PPDPFL: variants seen among roughly 807,000 people sequenced by gnomAD.
PPDPFL encodes the protein pancreatic progenitor cell differentiation and proliferation factor like.
In PPDPFL, 12 loss-of-function variants were observed where a neutral mutation model predicts 12.6. The ratio of observed to expected loss-of-function variants is 0.95; its 90% CI spans 0.61 to 1.54. PPDPFL has a LOEUF of 1.54. Among genes scored for constraint, PPDPFL ranks in the 40% most tolerant of loss-of-function variants. The pLI is 0.00. For synonymous variants in PPDPFL, 24 were observed against 32.7 expected (o/e 0.73, Z 0.91); for missense variants, 114 against 96.0 (o/e 1.19, Z -0.78).
At chr8:49,062,722 A>G (rs554123112) in intron 1 of PPDPFL, among the ~76,000 whole-genome samples, 29 of 152,342 alleles carry the variant, frequency 1.9e-4, no homozygotes, top group Non-Finnish European at 4.0e-4. Flanking sequence ...GATGCCCTGC[A>G]CACAGGGAGA....
Position 49,062,935 on chromosome 8 carries a change from C to T in PPDPFL, c.-45+8566C>T, listed in dbSNP as rs139905736. ...GGAGTGAAGGAGGGCTGGGTTCCCA[C>T]GAGTAGGGATCCTGTAACACCACGG... On this transcript the variant is annotated intron_variant, in intron 1 of 4. Coordinates refer to the PPDPFL transcript ENST00000517663. Among the ~76,000 whole-genome samples the T allele has an allele frequency of 3.6e-3, 548 of 152,216 alleles. 6 individuals carry two copies. The highest frequency in any genetic ancestry group is 0.013 in the African/African-American group (528 of 41,518).
At chr8:49,068,322 AC>A (rs1294817769), upstream of PPDPFL, among the ~76,000 whole-genome samples, 1 of 152,210 alleles carries the variant, frequency 6.6e-6, no homozygotes, top group Non-Finnish European at 1.5e-5. Context: ...GTACCTGAAC[AC>A]CATGATGCCA....
Position 49,075,493 on chromosome 8 carries a change from G to A in PPDPFL, c.*320G>A. The A allele has an allele frequency of 1.7e-6, 1 of 582,286 alleles. No individual in the cohort carries two copies. The highest frequency in any genetic ancestry group is 2.1e-5 in the South Asian group (1 of 47,184). The allele number at this position is 582,286 out of a possible 1,614,324, so 36.1% of individuals were successfully genotyped here. ...TGCATCTTTGAAAAGTGTGCCTTTAGAAACAAGACACCCTTTTAAAGTAAT... is the reference window on the plus strand; with the variant it reads ...TGCATCTTTGAAAAGTGTGCCTTTAAAAACAAGACACCCTTTTAAAGTAAT... On this transcript the variant is annotated 3_prime_UTR_variant, in exon 5 of 5. Transcript: ENST00000522267.
At chr8:49,058,997 G>A (rs763878471) in intron 1 of PPDPFL, among the ~76,000 whole-genome samples, 7 of 152,138 alleles carry the variant, frequency 4.6e-5, no homozygotes, top group Non-Finnish European at 7.3e-5. Flanking sequence ...CAGTCGGAGT[G>A]GTCTGTAACT....
At chr8:49,067,064 T>C (rs996237988) in intron 1 of PPDPFL, among the ~76,000 whole-genome samples, 1 of 152,336 alleles carries the variant, frequency 6.6e-6, no homozygotes, top group Middle Eastern at 3.4e-3. Context: ...TGTAAAATCA[T>C]GACAATTAAT....
At chr8:49,069,261 C>G (rs1313308202), upstream of PPDPFL, among the ~76,000 whole-genome samples, 1 of 152,090 alleles carries the variant, frequency 6.6e-6, no homozygotes, top group Non-Finnish European at 1.5e-5. Flanking sequence ...AGCAGTAACA[C>G]ATTGGTAAGT....
chr8:49,065,159 A>G (rs1808274818), intron 1 of PPDPFL, among the ~76,000 whole-genome samples: 1 of 152,184 alleles, frequency 6.6e-6, no homozygotes. Flanking sequence ...ACAAAAAAAC[A>G]AAAAACAAGT....
At chr8:49,061,540 T>TAA (rs1224602051) in intron 1 of PPDPFL, among the ~76,000 whole-genome samples, 3 of 152,176 alleles carry the variant, frequency 2.0e-5, no homozygotes, top group Non-Finnish European at 4.4e-5. Flanking sequence ...AAGGGGCTGC[T>TAA]TTAGTGGTTG....
intron 1 of PPDPFL, among the ~76,000 whole-genome samples, chr8:49,055,247 T>C (rs1225831744): frequency 6.6e-6 from 1 of 152,146 alleles, no homozygotes; most frequent in East Asian, 1.9e-4. Flanking sequence ...ATGCCTTTCC[T>C]AGACTCCCCA....
upstream of PPDPFL, among the ~76,000 whole-genome samples, chr8:49,070,092 G>T (rs1808354957): frequency 2.0e-5 from 3 of 152,224 alleles, no homozygotes; most frequent in African/African-American, 7.2e-5. Flanking sequence ...GTCCTTTGCA[G>T]GAAGACGAAT....
intron 1 of PPDPFL, among the ~76,000 whole-genome samples, chr8:49,060,219 G>A (rs1281998251): frequency 6.6e-6 from 1 of 152,042 alleles, no homozygotes; most frequent in Non-Finnish European, 1.5e-5. Flanking sequence ...AACATGTTAG[G>A]TGGACTTGGG....
Position 49,066,330 on chromosome 8 carries a change from G to C in PPDPFL, c.-44-6457G>C, listed in dbSNP as rs534278240. Among the ~76,000 whole-genome samples the C allele has an allele frequency of 2.5e-4, 38 of 152,182 alleles. 1 individual carries two copies. The highest frequency in any genetic ancestry group is 2.4e-3 in the Admixed American group (36 of 15,284). ...TAGGGTTAGCCACTAAGTTCAGCCC[G>C]CTGGGGGCTCTGTGTTGGTGGCTTC... On this transcript the variant is annotated intron_variant, in intron 1 of 4. Coordinates refer to the PPDPFL transcript ENST00000517663.
intron 2 of PPDPFL, 107 bp from the exon 3 acceptor site, chr8:49,073,952 A>T (rs1808440192): frequency 1.4e-6 from 1 of 726,244 alleles, no homozygotes; most frequent in Non-Finnish European, 2.3e-6. Context: ...CAAGCCAGGA[A>T]TAAATGATTT....
At chr8:49,057,533 AG>A (rs1808130644) in intron 1 of PPDPFL, among the ~76,000 whole-genome samples, 1 of 152,158 alleles carries the variant, frequency 6.6e-6, no homozygotes, top group Non-Finnish European at 1.5e-5. Flanking sequence ...CACTGCAAAA[AG>A]GGTGTGCTAT....
chr8:49,068,458 C>A (rs1808332848), upstream of PPDPFL, among the ~76,000 whole-genome samples: 3 of 152,098 alleles, frequency 2.0e-5, no homozygotes, highest in Admixed American at 1.3e-4. Context: ...GAAAGCCAGC[C>A]AACAGAGTCA....
intron 1 of PPDPFL, among the ~76,000 whole-genome samples, chr8:49,065,353 A>G (rs1808278157): frequency 6.6e-6 from 1 of 152,184 alleles, no homozygotes; most frequent in African/African-American, 2.4e-5. Context: ...AGATGGTGTC[A>G]AGGATGCCTA....
At chr8:49,060,097 G>A (rs960589213) in intron 1 of PPDPFL, among the ~76,000 whole-genome samples, 1 of 152,200 alleles carries the variant, frequency 6.6e-6, no homozygotes, top group Non-Finnish European at 1.5e-5. Context: ...TAGGCATAGA[G>A]TGAAGAGTAC....
At chr8:49,067,729 T>C (rs761268152), upstream of PPDPFL, among the ~76,000 whole-genome samples, 3 of 152,244 alleles carry the variant, frequency 2.0e-5, no homozygotes, top group Non-Finnish European at 2.9e-5. Context: ...AATTAGAACT[T>C]AGTCTTTCTG....
intron 1 of PPDPFL, among the ~76,000 whole-genome samples, chr8:49,062,882 T>C (rs1464133797): frequency 6.6e-6 from 1 of 152,132 alleles, no homozygotes; most frequent in African/African-American, 2.4e-5. Flanking sequence ...CTGGATCTTA[T>C]TAGACACTTC....
Sources: gnomAD v4.1 joint callset for allele counts (sites outside exome capture counted in the v4.1 genomes callset) on GRCh38, gnomAD v4.1.1 for gene constraint, MANE v1.5 for transcripts, NCBI Gene and HGNC (gene_info 2026-07-23, HGNC 2026-07-21) for gene names.